The following PEDS1 variants were observed in gnomAD, a reference collection of about 807,000 sequenced individuals.
PEDS1 encodes the protein CarF homolog.
PEDS1 carries 14 observed loss-of-function variants against 35.2 expected under a neutral mutation model. The ratio of observed to expected loss-of-function variants is 0.40; its 90% CI spans 0.26 to 0.62. The LOEUF (loss-of-function observed/expected upper bound fraction) is 0.62, where lower values mean the gene tolerates loss of function less well. Ranked by LOEUF, PEDS1 falls within the 20% of genes least tolerant of loss-of-function variation. PEDS1 has a pLI of 0.44. For synonymous variants in PEDS1, 152 were observed against 152.0 expected (o/e 1.00, Z 0.00); for missense variants, 260 against 367.8 (o/e 0.71, Z 2.40).
chr20:50,127,763 G>A (rs1315888205), intron 5 of PEDS1, among the ~76,000 whole-genome samples: 1 of 152,236 alleles, frequency 6.6e-6, no homozygotes. Context: ...GAAGTCGAGG[G>A]AGAGGGCTTT....
At chr20:50,131,031 T>C in intron 2 of PEDS1, 84 bp from the exon 3 acceptor site, 1 of 1,607,850 alleles carries the variant, frequency 6.2e-7, no homozygotes, top group Admixed American at 1.7e-5. Context: ...TGCCCGCTCA[T>C]TCATTTGTTA....
In PEDS1 at chr20:50,130,754, A is replaced by G. The variant is rs189473714; in HGVS notation, c.333+102T>C. 30 of 1,403,584 alleles carry G rather than the reference A, an allele frequency of 2.1e-5. No individual in the cohort carries two copies. In the East Asian group the frequency reaches 6.5e-4, roughly 30 times the overall value. 86.9% of individuals were successfully genotyped at this position (1,403,584 alleles called of 1,614,324 possible). A position where few individuals can be genotyped will look rare whatever the true frequency, so the allele number is the denominator to read the frequency against. On this transcript the variant is annotated intron_variant, in intron 3 of 5. Transcript: ENST00000371652. ...GGGACAGGCTGCAATGATGGTTCCCATCTTTCAGATAGGGAAACAGTCTTA... is the reference window on the plus strand; with the variant it reads ...GGGACAGGCTGCAATGATGGTTCCCGTCTTTCAGATAGGGAAACAGTCTTA...
intron 1 of PEDS1, among the ~76,000 whole-genome samples, chr20:50,145,582 C>A (rs1214005710): frequency 6.6e-6 from 1 of 151,992 alleles, no homozygotes; most frequent in African/African-American, 2.4e-5. Flanking sequence ...GTAGTCCCAG[C>A]TACTCGGGAG....
At chr20:50,126,377 C>A (rs2081104195) in intron 5 of PEDS1, among the ~76,000 whole-genome samples, 1 of 152,202 alleles carries the variant, frequency 6.6e-6, no homozygotes, top group Non-Finnish European at 1.5e-5. Flanking sequence ...AGTAGTTAAC[C>A]CATCTCCTAA....
intron 5 of PEDS1, 88 bp downstream of exon 5, chr20:50,127,884 ACCT>A (rs1324307068): frequency 5.3e-6 from 8 of 1,509,140 alleles, no homozygotes; most frequent in South Asian, 1.2e-5. Context: ...GGACTGTGTG[ACCT>A]CCTGCTGTGA....
chr20:50,129,824 A>G lies in PEDS1; in HGVS notation c.334-134T>C. The G allele has an allele frequency of 7.1e-7, 1 of 1,415,526 alleles. No individual in the cohort carries two copies. Among genetic ancestry groups the G allele is most frequent in the Non-Finnish European group, 9.4e-7 (1 of 1,063,270 alleles). The allele number at this position is 1,415,526 out of a possible 1,614,324, so 87.7% of individuals were successfully genotyped here. ...AGTTTCCTCCACCCGGGATGCTTGA[A>G]CATTCCCACCTGGCCCACTGCCAGA... is the stretch of plus-strand genomic sequence containing the variant. On this transcript the variant is annotated intron_variant, in intron 3 of 5. Transcript: ENST00000371652. The surrounding 1 kb of genome is among the most constrained non-coding windows in gnomAD (Gnocchi z 4.2).
At chr20:50,144,385 C>A (rs892524706) in intron 1 of PEDS1, among the ~76,000 whole-genome samples, 2 of 152,188 alleles carry the variant, frequency 1.3e-5, no homozygotes, top group African/African-American at 4.8e-5. Flanking sequence ...GTGGCTCACA[C>A]CCTGCCCAGC....
At chr20:50,135,657 T>TCA (rs2081226434) in intron 2 of PEDS1, among the ~76,000 whole-genome samples, 1 of 27,302 alleles carries the variant, frequency 3.7e-5, no homozygotes, top group Non-Finnish European at 6.1e-5. Context: ...AAACTCCATC[T>TCA]CAAAAAAAAA....
intron 2 of PEDS1, among the ~76,000 whole-genome samples, chr20:50,136,573 A>C (rs1274563757): frequency 6.6e-6 from 1 of 152,068 alleles, no homozygotes; most frequent in African/African-American, 2.4e-5. Flanking sequence ...AAATTCAAAA[A>C]TTAGCCGACC....
chr20:50,131,827 C>G (rs1289478883), intron 2 of PEDS1, among the ~76,000 whole-genome samples: 4 of 152,166 alleles, frequency 2.6e-5, no homozygotes, highest in Admixed American at 2.6e-4. Context: ...TAGATTTGGA[C>G]TCAAATTCCA....
intron 1 of PEDS1, among the ~76,000 whole-genome samples, chr20:50,144,674 G>A (rs966381655): frequency 2.0e-5 from 3 of 152,162 alleles, no homozygotes; most frequent in Admixed American, 2.0e-4. Flanking sequence ...CTGGGGATTG[G>A]CCAAATGAAT....
intron 1 of PEDS1, among the ~76,000 whole-genome samples, chr20:50,144,233 C>T (rs1007280765): frequency 6.6e-6 from 1 of 152,246 alleles, no homozygotes; most frequent in Non-Finnish European, 1.5e-5. Flanking sequence ...TCCTGGGCCC[C>T]TCTGGGCTCT....
intron 2 of PEDS1, 193 bp from the exon 3 acceptor site, chr20:50,131,140 C>G: frequency 7.2e-7 from 1 of 1,394,132 alleles, no homozygotes; most frequent in Non-Finnish European, 9.9e-7. Flanking sequence ...TTGCTGTGCT[C>G]GGGGAGATGC....
intron 1 of PEDS1, among the ~76,000 whole-genome samples, chr20:50,149,210 G>A (rs564353674): frequency 1.3e-5 from 2 of 152,274 alleles, no homozygotes; most frequent in South Asian, 4.1e-4. Flanking sequence ...TGAACCCCTG[G>A]GTTCAGCTTT....
Position 50,129,535 on chromosome 20 carries a change from G to A in PEDS1, c.478+11C>T. On this transcript the variant is annotated intron_variant, in intron 4 of 5. Transcript: ENST00000371652. The surrounding 1 kb of genome is among the most constrained non-coding windows in gnomAD (Gnocchi z 4.2). ...GCCCCCTCCCAGCCCACCACTAGCTGGGTGTCTCACCAGGGCTGTGGGTGC... is the reference window on the plus strand; with the variant it reads ...GCCCCCTCCCAGCCCACCACTAGCTAGGTGTCTCACCAGGGCTGTGGGTGC... 1.2e-6 allele frequency: 2 copies of A among 1,614,040 alleles called. No individual in the cohort carries two copies. Among genetic ancestry groups the A allele is most frequent in the Non-Finnish European group, 1.7e-6 (2 of 1,179,978 alleles).
At chr20:50,131,880 C>T (rs1203891632) in intron 2 of PEDS1, among the ~76,000 whole-genome samples, 1 of 152,164 alleles carries the variant, frequency 6.6e-6, no homozygotes, top group Non-Finnish European at 1.5e-5. Context: ...TGTTATTTAG[C>T]CTCTCTGTGC....
chr20:50,138,495 C>T (rs1305922952), intron 2 of PEDS1, among the ~76,000 whole-genome samples: 1 of 152,238 alleles, frequency 6.6e-6, no homozygotes. Context: ...AGCATCCCCC[C>T]AACGCAGCTC....
At chr20:50,140,645 G>A (rs928269591) in intron 2 of PEDS1, among the ~76,000 whole-genome samples, 2 of 152,186 alleles carry the variant, frequency 1.3e-5, no homozygotes, top group African/African-American at 4.8e-5. Context: ...TCTTTTCAGA[G>A]AGGCCTTTCC....
intron 3 of PEDS1, among the ~76,000 whole-genome samples, chr20:50,130,167 C>G (rs2081160951): frequency 6.6e-6 from 1 of 152,328 alleles, no homozygotes; most frequent in African/African-American, 2.4e-5. Flanking sequence ...TCTCCTCCCT[C>G]TAGCCAGTGA....
Sources: allele counts gnomAD v4.1 joint callset (sites outside exome capture counted in the v4.1 genomes callset), GRCh38; gene constraint gnomAD v4.1.1; non-coding constraint Gnocchi (gnomAD v3.1); transcripts MANE v1.5; gene names NCBI Gene and HGNC (gene_info 2026-07-23, HGNC 2026-07-21).